CCDC88C: variants seen among roughly 807,000 people sequenced by gnomAD.
The protein encoded by CCDC88C is coiled-coil and HOOK domain protein 88C.
Under a neutral mutation model 198.8 loss-of-function variants are expected in CCDC88C, and 131 were observed. The ratio of observed to expected loss-of-function variants is 0.66; its 90% confidence interval spans 0.57 to 0.76. The LOEUF is 0.76. Ranked by LOEUF, CCDC88C falls within the 30% of genes least tolerant of loss-of-function variation. The pLI, the probability that CCDC88C is intolerant of heterozygous loss-of-function variation, is 0.00. For synonymous variants in CCDC88C, 1,166 were observed against 1,114.7 expected, an observed-to-expected ratio of 1.05 and a Z score of -0.92; for missense variants, 2,553 against 2,631.6, an observed-to-expected ratio of 0.97 and a Z score of 0.65.
chr14:91,317,115 T>C (rs774640475), intron 13 of CCDC88C, among the ~76,000 whole-genome samples: 1 of 152,242 alleles, frequency 6.6e-6, no homozygotes, highest in Non-Finnish European at 1.5e-5. Context: ...TCTTTTTCCT[T>C]CCTGACTCAA....
intron 25 of CCDC88C, 129 bp from the exon 26 acceptor site, chr14:91,283,646 G>T: frequency 1.1e-6 from 1 of 875,406 alleles, no homozygotes; most frequent in Non-Finnish European, 1.7e-6. Flanking sequence ...GGCTGCCACA[G>T]CTCTCGGGCT....
At chr14:91,299,519 G>A (rs1482535446) in intron 21 of CCDC88C, among the ~76,000 whole-genome samples, 1 of 152,206 alleles carries the variant, frequency 6.6e-6, no homozygotes, top group Non-Finnish European at 1.5e-5. Flanking sequence ...AAAGCCCCAC[G>A]GAGACTGGTC....
chr14:91,274,100 ACC>A (rs1889858837), intron 29 of CCDC88C, among the ~76,000 whole-genome samples: 1 of 151,666 alleles, frequency 6.6e-6, no homozygotes, highest in Non-Finnish European at 1.5e-5. Flanking sequence ...ACCTTGCGCC[ACC>A]GAGAGCAAGA....
intron 3 of CCDC88C, chr14:91,379,492 A>G: frequency 3.0e-6 from 1 of 334,132 alleles, no homozygotes; most frequent in Non-Finnish European, 5.6e-6. Flanking sequence ...CGGGGCAGCT[A>G]GGAACTGGGC....
At chr14:91,374,203 A>T (rs1894969830) in intron 3 of CCDC88C, among the ~76,000 whole-genome samples, 1 of 152,226 alleles carries the variant, frequency 6.6e-6, no homozygotes, top group Admixed American at 6.5e-5. Flanking sequence ...CAGTGTAAAG[A>T]ACACTTTATT....
chr14:91,322,815 C>T (rs1892411207), intron 12 of CCDC88C, among the ~76,000 whole-genome samples: 1 of 151,672 alleles, frequency 6.6e-6, no homozygotes, highest in African/African-American at 2.4e-5. Flanking sequence ...ACAATGGAAT[C>T]GATGTTTCAT....
Position 91,273,213 on chromosome 14 carries a change from C to A in CCDC88C, c.5499G>T (p.Glu1833Asp), listed in dbSNP as rs1278202042. 8.3e-6 allele frequency: 13 copies of A among 1,565,614 alleles called. No homozygotes were observed. In the East Asian group the frequency reaches 3.1e-4, roughly 37 times the overall value. Residue 1833 changes from glutamate to aspartate, a missense_variant, in exon 30 of 30, where the codon GAG becomes GAT. Around this residue, in one of 2 missense-constraint regions of CCDC88C, gnomAD observed 1,293 missense variants for 1,219.6 expected, o/e 1.06. Coordinates refer to ENST00000389857, the MANE Select transcript of CCDC88C (RefSeq NM_001080414.4). The surrounding 1 kb of genome is among the most constrained non-coding windows in gnomAD (Gnocchi z 5.6). ...QESPQKLGAP[E>D]ALGGRETGSH... ...TGCCTGTCTCTCTGCCCCCTAAGGC[C>A]TCAGGAGCCCCCAGCTTCTGAGGGG... is the stretch of plus-strand genomic sequence containing the variant.
intron 12 of CCDC88C, 84 bp from the exon 13 acceptor site, chr14:91,321,388 T>A: frequency 7.0e-7 from 1 of 1,419,142 alleles, no homozygotes; most frequent in Non-Finnish European, 9.6e-7. Context: ...TGGTCATCAG[T>A]CCCGGAGTCC....
intron 3 of CCDC88C, among the ~76,000 whole-genome samples, chr14:91,362,246 AAG>A (rs1464871482): frequency 2.6e-5 from 4 of 151,780 alleles, no homozygotes; most frequent in Non-Finnish European, 2.9e-5. Flanking sequence ...AAAAAAAAAA[AAG>A]AAAAAAAAGA....
At chr14:91,300,146 C>T (rs1333394563) in intron 20 of CCDC88C, 76 bp from the exon 21 acceptor site, 3 of 1,537,392 alleles carry the variant, frequency 2.0e-6, no homozygotes, top group Non-Finnish European at 2.6e-6. Context: ...CCCAGAGGAT[C>T]TGCGTGCCTC....
At position 91,273,772 on chromosome 14, in the gene CCDC88C, G is replaced by T; in HGVS notation, c.5059-119C>A. 2.4e-6 allele frequency: 2 copies of T among 834,848 alleles called. No individual in the cohort carries two copies. Among genetic ancestry groups the T allele is most frequent in the Non-Finnish European group, 3.3e-6 (2 of 599,242 alleles). 51.7% of individuals were successfully genotyped at this position (834,848 alleles called of 1,614,324 possible). A position where few individuals can be genotyped will look rare whatever the true frequency, so the allele number is the denominator to read the frequency against. On this transcript the variant is annotated intron_variant, in intron 29 of 29. Transcript: ENST00000389857. The surrounding 1 kb of genome is among the most constrained non-coding windows in gnomAD (Gnocchi z 5.6). ...GTGGCTGGGACCGCAGTTCCTGCCT[G>T]CCTTCTCCGAGGCACATGTGCCGCC...
chr14:91,383,175 C>T (rs1884909560), intron 3 of CCDC88C, among the ~76,000 whole-genome samples: 1 of 152,226 alleles, frequency 6.6e-6, no homozygotes, highest in South Asian at 2.1e-4. Context: ...AGACTTGGAG[C>T]TGGGGAAGCT....
chr14:91,375,200 T>C (rs1193715621), intron 3 of CCDC88C, among the ~76,000 whole-genome samples: 1 of 152,160 alleles, frequency 6.6e-6, no homozygotes, highest in Non-Finnish European at 1.5e-5. Flanking sequence ...GGCTCAGCCA[T>C]CATTTGCCAA....
At chr14:91,311,303 C>T (rs1027859474) in intron 15 of CCDC88C, among the ~76,000 whole-genome samples, 1 of 152,232 alleles carries the variant, frequency 6.6e-6, no homozygotes, top group Non-Finnish European at 1.5e-5. Flanking sequence ...ATCTCTCCCC[C>T]ACAGCACATG....
rs973720903 is a variant in CCDC88C, at chr14:91,319,992, C to A, written c.1527+1128G>T. 2.2e-5 allele frequency among the ~76,000 whole-genome samples: 3 copies of A among 139,486 alleles called. No individual in the cohort carries two copies. The East Asian group carries it at 6.1e-4, about 29-fold the overall frequency. The allele number at this position is 139,486 out of a possible 152,430, so 91.5% of individuals were successfully genotyped here. A position where few individuals can be genotyped will look rare whatever the true frequency, so the allele number is the denominator to read the frequency against. ...TGAGCTGAGATTGTGCCATTGCACT[C>A]CAGCCTGGGCAACAAGAACAAAACT... On this transcript the variant is annotated intron_variant, in intron 13 of 29. Transcript: ENST00000389857.
chr14:91,302,001 T>C (rs143814393), intron 20 of CCDC88C, among the ~76,000 whole-genome samples: 60 of 150,840 alleles, frequency 4.0e-4, no homozygotes, highest in African/African-American at 1.3e-3. Flanking sequence ...CCGGAAGGAG[T>C]AGTCTTATAG....
chr14:91,293,884 G>A (rs1890880995), intron 23 of CCDC88C, among the ~76,000 whole-genome samples: 1 of 152,206 alleles, frequency 6.6e-6, no homozygotes, highest in Admixed American at 6.5e-5. Flanking sequence ...ATACTTCAGT[G>A]TTCTCATGAT....
chr14:91,337,976 T>C, intron 10 of CCDC88C, 29 bp downstream of exon 10: 2 of 1,605,368 alleles, frequency 1.2e-6, no homozygotes, highest in Non-Finnish European at 1.7e-6. Context: ...AGCAGCCCCA[T>C]CCAGGGGCCT....
At chr14:91,357,908 G>C (rs751985449) in intron 4 of CCDC88C, among the ~76,000 whole-genome samples, 1 of 152,230 alleles carries the variant, frequency 6.6e-6, no homozygotes, top group Non-Finnish European at 1.5e-5. Context: ...AAGGCCCCCT[G>C]CTACTAACAC....
Sources: gnomAD v4.1 joint callset for allele counts (sites outside exome capture counted in the v4.1 genomes callset) on GRCh38, gnomAD v4.1.1 for gene constraint, gnomAD v4.1.1 regional missense constraint, Gnocchi (gnomAD v3.1) non-coding constraint, MANE v1.5 for transcripts, NCBI Gene and HGNC (gene_info 2026-07-23, HGNC 2026-07-21) for gene names.